Variants in CAMSAP3 observed in about 807,000 individuals in gnomAD.
CAMSAP3 encodes calmodulin regulated spectrin associated protein family member 3.
Under a neutral mutation model 112.5 loss-of-function variants are expected in CAMSAP3, and 34 were observed. The observed-to-expected ratio is 0.30, with a 90% CI of 0.23 to 0.40. The LOEUF (loss-of-function observed/expected upper bound fraction) is 0.40. CAMSAP3 is among the 10% of genes least tolerant of loss of function. The pLI is 1.00. For missense variants in CAMSAP3, 1,602 were observed against 1,770.3 expected (o/e 0.90, Z 1.71); for synonymous variants, 868 against 799.8 (o/e 1.09, Z -1.44).
At position 7,617,427 on chromosome 19, in the gene CAMSAP3, C is replaced by G; in HGVS notation, c.3314C>G (p.Pro1105Arg). The G allele has an allele frequency of 3.7e-6, 6 of 1,613,974 alleles. No homozygotes were observed. The highest frequency in any genetic ancestry group is 5.1e-6 in the Non-Finnish European group (6 of 1,179,920). Residue 1105 changes from proline to arginine, a missense_variant, in exon 15 of 17, where the codon CCC (proline) becomes CGC (arginine). Physicochemically the swap from Pro to Arg is moderately radical, Grantham distance 103 (BLOSUM62 -2). Transcript: ENST00000160298. This position sits in a 1 kb window ranked among gnomAD's most constrained non-coding sequence, Gnocchi z 7.5. Reference protein sequence around the residue: ...GSNASSPASVPEYTGPRLYKE... With the variant: ...GSNASSPASVREYTGPRLYKE... The stretch of plus-strand genomic sequence containing the variant: ...AATGCCTCCTCCCCAGCGTCAGTGC[C>G]CGAGTACACAGGTAAGCAGGGGCTC...
rs746205917 is a variant in CAMSAP3 at position 7,612,149 on chromosome 19, T to C, written c.1656T>C (p.Ala552=). 1 of 1,612,400 alleles carries C rather than the reference T, an allele frequency of 6.2e-7. No homozygotes were observed. Among genetic ancestry groups the C allele is most frequent in the South Asian group, 1.1e-5 (1 of 91,030 alleles). The change falls in exon 11 of 17, where the codon GCT becomes GCC. Residue 552 remains alanine, a synonymous_variant. Transcript: ENST00000160298. ...APSEGSPKAV[A]SSPAATNSEV... is the part of the protein sequence containing the mutation. ...CCGAGGGGTCCCCGAAGGCGGTGGC[T>C]TCGTCCCCAGCAGCCACCAACTCCG...
Position 7,618,131 on chromosome 19 carries a change from T to C in CAMSAP3, c.*74T>C. ...TCCCCTGGAGGACAGTCAGTCGGTA[T>C]TCCTGGGTCCTGTCTGTCCCCAACC... On this transcript the variant is annotated 3_prime_UTR_variant, in exon 17 of 17. Transcript: ENST00000160298. The C allele has an allele frequency of 6.6e-7, 1 of 1,505,294 alleles. No individual in the cohort carries two copies. Among genetic ancestry groups the C allele is most frequent in the Non-Finnish European group, 9.0e-7 (1 of 1,113,848 alleles). 93.2% of individuals were successfully genotyped at this position (1,505,294 alleles called of 1,614,324 possible).
chr19:7,599,389 C>T (rs1599339137), intron 1 of CAMSAP3, among the ~76,000 whole-genome samples: 2 of 145,236 alleles, frequency 1.4e-5, no homozygotes, highest in Non-Finnish European at 3.0e-5. Flanking sequence ...TCCATCCACC[C>T]ATCCATCCAC....
chr19:7,608,388 T>G, intron 5 of CAMSAP3, 124 bp downstream of exon 5: 2 of 1,207,018 alleles, frequency 1.7e-6, no homozygotes, highest in Non-Finnish European at 2.3e-6. Flanking sequence ...GAGGGCAGCT[T>G]CCGGAACTGG....
intron 5 of CAMSAP3, among the ~76,000 whole-genome samples, chr19:7,609,023 T>C (rs1019751853): frequency 1.3e-5 from 2 of 149,408 alleles, no homozygotes; most frequent in Non-Finnish European, 3.0e-5. Flanking sequence ...TCTTTTTTAT[T>C]AAAAAAAAAA....
In CAMSAP3 at chr19:7,610,678, T is replaced by C; in HGVS notation, c.901-22T>C. 6.2e-7 allele frequency: 1 copy of C among 1,613,912 alleles called. No individual in the cohort carries two copies. Among genetic ancestry groups the C allele is most frequent in the Non-Finnish European group, 8.5e-7 (1 of 1,179,968 alleles). Reference sequence around the variant, plus strand: ...ATCTGGGGCCAGGGGTCCCGTCTGCTGACCCGGCCTCCCACCTCCAGGTCA... The same window carrying C: ...ATCTGGGGCCAGGGGTCCCGTCTGCCGACCCGGCCTCCCACCTCCAGGTCA... On this transcript the variant is annotated intron_variant, in intron 6 of 16. Coordinates refer to ENST00000160298, the MANE Select transcript of CAMSAP3 (RefSeq NM_020902.2). The surrounding 1 kb of genome is among the most constrained non-coding windows in gnomAD (Gnocchi z 4.9).
At chr19:7,605,559 C>T in intron 2 of CAMSAP3, 80 bp downstream of exon 2, 1 of 1,383,640 alleles carries the variant, frequency 7.2e-7, no homozygotes, top group Middle Eastern at 2.4e-4. Context: ...AGTCCTGGCT[C>T]CTCCCAAGTT....
In CAMSAP3 at chr19:7,611,680, C is replaced by T. The variant is rs1015890823; in HGVS notation, c.1194-7C>T. ...CCAGGGGCTGACCCCTCCCTCCGGC[C>T]GCCCAGCCGTCCCCTCTCCCAGGCT... On this transcript the variant is annotated splice_polypyrimidine_tract_variant and splice_region_variant and intron_variant, in intron 10 of 16. Transcript: ENST00000160298. The surrounding 1 kb of genome is among the most constrained non-coding windows in gnomAD (Gnocchi z 6.9). 5.8e-6 allele frequency: 9 copies of T among 1,563,128 alleles called. No homozygotes were observed. The highest frequency in any genetic ancestry group is 6.1e-6 in the Non-Finnish European group (7 of 1,151,838).
rs2030290151 is a variant in CAMSAP3 at position 7,607,747 on chromosome 19, C to G, written c.622-379C>G. 1.7e-6 allele frequency: 1 copy of G among 571,626 alleles called. No individual in the cohort carries two copies. The highest frequency in any genetic ancestry group is 1.9e-5 in the African/African-American group (1 of 51,920). 35.4% of individuals were successfully genotyped at this position (571,626 alleles called of 1,614,324 possible). A position where few individuals can be genotyped will look rare whatever the true frequency, so the allele number is the denominator to read the frequency against. ...GACCAGGGTCAGGGCTACCCCCTCC[C>G]CCCCAAGGTGGGCTTGGGGGCCCAG... On this transcript the variant is annotated intron_variant, in intron 4 of 16. Coordinates refer to ENST00000160298, the MANE Select transcript of CAMSAP3 (RefSeq NM_020902.2). This position sits in a 1 kb window ranked among gnomAD's most constrained non-coding sequence, Gnocchi z 4.9.
rs780325012 is a variant in CAMSAP3 at position 7,612,349 on chromosome 19, G to A, written c.1856G>A (p.Arg619Gln). ...CGCAGAGCCATCGAGGCTCAGAAGC[G>A]ACGGATTGAGGCCATATTCGCCAAG... ...EKRRAIEAQK[R>Q]RIEAIFAKHR... Residue 619 changes from arginine to glutamine, a missense_variant, in exon 11 of 17, where the codon CGA becomes CAA. Physicochemically the swap from Arg to Gln is conservative, Grantham distance 43. Coordinates refer to ENST00000160298, the MANE Select transcript of CAMSAP3 (RefSeq NM_020902.2). The A allele has an allele frequency of 3.7e-6, 6 of 1,603,444 alleles. No individual in the cohort carries two copies. Among genetic ancestry groups the A allele is most frequent in the African/African-American group, 1.3e-5 (1 of 74,810 alleles).
chr19:7,606,148 C>CAA, intron 2 of CAMSAP3, 123 bp from the exon 3 acceptor site: 1 of 344,662 alleles, frequency 2.9e-6, no homozygotes, highest in Non-Finnish European at 5.1e-6. Context: ...CCCGCCCCCT[C>CAA]AAGCCCCACC....
Position 7,615,746 on chromosome 19 carries a change from GC to G in CAMSAP3, c.3112+30del. 8.1e-7 allele frequency: 1 copy of G among 1,232,088 alleles called. No individual in the cohort carries two copies. Among genetic ancestry groups the G allele is most frequent in the South Asian group, 1.8e-5 (1 of 55,840 alleles). 76.3% of individuals were successfully genotyped at this position (1,232,088 alleles called of 1,614,324 possible). A position where few individuals can be genotyped will look rare whatever the true frequency, so the allele number is the denominator to read the frequency against. On this transcript the variant is annotated intron_variant, in intron 13 of 16. Transcript: ENST00000160298. This position sits in a 1 kb window ranked among gnomAD's most constrained non-coding sequence, Gnocchi z 6.5. The stretch of plus-strand genomic sequence containing the variant: ...TGAGGACCCTTGGGGGACGGGGCCT[GC>G]CCAGTGCCCTTTCCGGGGCTCACTG...
Position 7,595,946 on chromosome 19 carries a change from C to T in CAMSAP3, c.-57C>T, listed in dbSNP as rs2024427172. 3.5e-5 allele frequency: 30 copies of T among 854,512 alleles called. No individual in the cohort carries two copies. Among genetic ancestry groups the T allele is most frequent in the Non-Finnish European group, 4.3e-5 (30 of 705,428 alleles). The allele number at this position is 854,512 out of a possible 1,614,324, so 52.9% of individuals were successfully genotyped here. On this transcript the variant is annotated 5_prime_UTR_variant, in exon 1 of 17. Transcript: ENST00000160298. ...GCCCGGCTGGGGCGCGAGCGCGGCG[C>T]AGCCCAGCCCAGCCCAGTCCGAGCG...
rs1028767230 is a variant in CAMSAP3, at chr19:7,610,307, G to T, written c.761-169G>T. Among the ~76,000 whole-genome samples, 1 of 144,744 alleles carries T rather than the reference G, an allele frequency of 6.9e-6. No homozygotes were observed. Among genetic ancestry groups the T allele is most frequent in the Admixed American group, 7.1e-5 (1 of 14,112 alleles). 95.0% of individuals were successfully genotyped at this position (144,744 alleles called of 152,430 possible). ...CACTACAGCCTGGGTGACAGAGCGA[G>T]ACTCCATCTCAAAAAAAAAAAAAAA... is the stretch of plus-strand genomic sequence containing the variant. On this transcript the variant is annotated intron_variant, in intron 5 of 16. Coordinates refer to ENST00000160298, the MANE Select transcript of CAMSAP3 (RefSeq NM_020902.2). This position sits in a 1 kb window ranked among gnomAD's most constrained non-coding sequence, Gnocchi z 4.9.
Position 7,606,459 on chromosome 19 carries a change from C to T in CAMSAP3, c.526-17C>T, listed in dbSNP as rs777125878. The T allele has an allele frequency of 6.2e-7, 1 of 1,604,908 alleles. No homozygotes were observed. The highest frequency in any genetic ancestry group is 2.2e-5 in the East Asian group (1 of 44,798). ...TCGTCCAGTGGCCAGACCACTGACC[C>T]CCTCCCTGCCCTCCAGACCGTCCGG... On this transcript the variant is annotated splice_polypyrimidine_tract_variant and intron_variant, in intron 3 of 16. Coordinates refer to ENST00000160298, the MANE Select transcript of CAMSAP3 (RefSeq NM_020902.2).
rs1352867868 is a variant in CAMSAP3, at chr19:7,612,786, G to A, written c.2293G>A (p.Ala765Thr). The A allele has an allele frequency of 1.3e-6, 2 of 1,533,694 alleles. No individual in the cohort carries two copies. Among genetic ancestry groups the A allele is most frequent in the Non-Finnish European group, 1.7e-6 (2 of 1,145,630 alleles). The part of the protein sequence containing the change: ...ASPSPARRVP[A>T]TRRSPGPGPS... Reference sequence around the variant, plus strand: ...CCCCAGCCCCGCCCGGCGAGTCCCGGCCACCCGGCGCAGCCCTGGGCCCGG... The same window carrying A: ...CCCCAGCCCCGCCCGGCGAGTCCCGACCACCCGGCGCAGCCCTGGGCCCGG... Residue 765 changes from alanine to threonine, a missense_variant, in exon 11 of 17, where the codon GCC becomes ACC. Ala to Thr is a moderately conservative substitution (Grantham distance 58). This residue lies in a region of CAMSAP3 where 1,100 missense variants were observed against 1,135.7 expected (regional missense o/e 0.97). Transcript: ENST00000160298.
intron 11 of CAMSAP3, among the ~76,000 whole-genome samples, chr19:7,614,411 A>G (rs1375781830): frequency 6.8e-6 from 1 of 146,676 alleles, no homozygotes; most frequent in Non-Finnish European, 1.5e-5. Context: ...CAGTGGCATG[A>G]TCTCGGTTCA....
chr19:7,612,201 C>G lies in CAMSAP3; in HGVS notation c.1708C>G (p.Arg570Gly). Residue 570 changes from arginine (R) to glycine (G), a missense_variant, in exon 11 of 17, where the codon CGC (arginine) becomes GGC (glycine). This residue lies in a region of CAMSAP3 where 1,100 missense variants were observed against 1,135.7 expected (regional missense o/e 0.97). Transcript: ENST00000160298. ...SEVKMTSFAE[R>G]KKQLVKAEAE... ...GGTGAAAATGACCAGCTTTGCAGAA[C>G]GCAAGAAACAGCTGGTGAAGGCAGA... 6.2e-7 allele frequency: 1 copy of G among 1,605,218 alleles called. No homozygotes were observed. The highest frequency in any genetic ancestry group is 8.5e-7 in the Non-Finnish European group (1 of 1,176,442).
chr19:7,601,760 T>TA (rs2029978766), intron 1 of CAMSAP3, among the ~76,000 whole-genome samples: 9 of 122,816 alleles, frequency 7.3e-5, no homozygotes, highest in African/African-American at 2.4e-4. Context: ...AATAAATGAA[T>TA]AAATAAAATA....
Sources: allele counts gnomAD v4.1 joint callset (sites outside exome capture counted in the v4.1 genomes callset), GRCh38; gene constraint gnomAD v4.1.1; regional missense constraint gnomAD v4.1.1; non-coding constraint Gnocchi (gnomAD v3.1); transcripts MANE v1.5; gene names NCBI Gene and HGNC (gene_info 2026-07-23, HGNC 2026-07-21).